FGF10: variants seen among roughly 807,000 people sequenced by gnomAD.
The protein encoded by FGF10 is FGF-10.
FGF10 carries 2 observed loss-of-function variants against 19.8 expected under a neutral mutation model. The observed-to-expected ratio is 0.10, with a 90% CI of 0.04 to 0.32. The LOEUF (loss-of-function observed/expected upper bound fraction) is 0.32. FGF10 is among the 10% of genes least tolerant of loss of function. The pLI is 1.00. For missense variants in FGF10, 191 were observed against 246.3 expected, an observed-to-expected ratio of 0.78 and a Z score of 1.50; for synonymous variants, 112 against 94.0, an observed-to-expected ratio of 1.19 and a Z score of -1.10.
At chr5:44,339,129 A>C (rs73752004) in intron 1 of FGF10, among the ~76,000 whole-genome samples, 1 of 152,196 alleles carries the variant, frequency 6.6e-6, no homozygotes, top group Non-Finnish European at 1.5e-5. Context: ...AATTTCCAAA[A>C]TATCTAATCT....
chr5:44,344,572 G>C (rs1441519377), intron 1 of FGF10, among the ~76,000 whole-genome samples: 5 of 138,734 alleles, frequency 3.6e-5, no homozygotes, highest in African/African-American at 1.6e-4. Context: ...TTTTCTCTGT[G>C]TGTGTGTGTG....
In FGF10 at chr5:44,316,060, C is replaced by T. The variant is rs545388544; in HGVS notation, c.326-5530G>A. Among the ~76,000 whole-genome samples the T allele has an allele frequency of 7.2e-5, 11 of 152,260 alleles. No individual in the cohort carries two copies. The South Asian group carries it at 1.9e-3, about 26-fold the overall frequency. ...CCACTCTCCATCACTAGCATTACTG[C>T]CTGAGCACTGCCTCTTATCAGATCA... On this transcript the variant is annotated intron_variant, in intron 1 of 2. Transcript: ENST00000264664.
At chr5:44,336,834 T>C (rs923303645) in intron 1 of FGF10, among the ~76,000 whole-genome samples, 1 of 152,166 alleles carries the variant, frequency 6.6e-6, no homozygotes, top group African/African-American at 2.4e-5. Context: ...GTCAGCAACT[T>C]TTCATCTTAG....
intron 1 of FGF10, among the ~76,000 whole-genome samples, chr5:44,343,664 C>A (rs1329203072): frequency 6.6e-6 from 1 of 151,888 alleles, no homozygotes; most frequent in African/African-American, 2.4e-5. Flanking sequence ...TGCTTATCTC[C>A]CTTTCCAACA....
At chr5:44,324,424 CTT>C (rs1740565315) in intron 1 of FGF10, among the ~76,000 whole-genome samples, 1 of 152,084 alleles carries the variant, frequency 6.6e-6, no homozygotes, top group Admixed American at 6.6e-5. Flanking sequence ...CCTTAAACTT[CTT>C]TTTAACGTAC....
intron 1 of FGF10, among the ~76,000 whole-genome samples, chr5:44,346,005 T>C (rs1299780983): frequency 6.6e-6 from 1 of 151,788 alleles, no homozygotes; most frequent in Non-Finnish European, 1.5e-5. Flanking sequence ...CCTTGACCTA[T>C]TCTCTAACCT....
At chr5:44,322,303 G>A (rs1417069255) in intron 1 of FGF10, among the ~76,000 whole-genome samples, 2 of 152,148 alleles carry the variant, frequency 1.3e-5, no homozygotes, top group Non-Finnish European at 2.9e-5. Flanking sequence ...CAGCAAAAGG[G>A]TCTGCATTAA....
At chr5:44,349,440 AT>A (rs1741172252) in intron 1 of FGF10, among the ~76,000 whole-genome samples, 1 of 10,722 alleles carries the variant, frequency 9.3e-5, no homozygotes. Context: ...ATATATATAT[AT>A]ATATATATAT....
chr5:44,364,833 T>G (rs1741568798), intron 1 of FGF10, among the ~76,000 whole-genome samples: 1 of 151,938 alleles, frequency 6.6e-6, no homozygotes, highest in Non-Finnish European at 1.5e-5. Flanking sequence ...GAAACCAAGA[T>G]AGAAATCTGA....
At chr5:44,312,240 A>G (rs1418954337) in intron 1 of FGF10, among the ~76,000 whole-genome samples, 1 of 151,808 alleles carries the variant, frequency 6.6e-6, no homozygotes, top group African/African-American at 2.4e-5. Flanking sequence ...GCATATTCTG[A>G]AAAATATTTT....
At chr5:44,320,774 A>C (rs1201792467) in intron 1 of FGF10, among the ~76,000 whole-genome samples, 2 of 151,792 alleles carry the variant, frequency 1.3e-5, no homozygotes, top group East Asian at 3.9e-4. Flanking sequence ...TCTGTCACCC[A>C]GGCTGGAGTG....
At chr5:44,384,230 G>A (rs1742050183) in intron 1 of FGF10, among the ~76,000 whole-genome samples, 1 of 151,998 alleles carries the variant, frequency 6.6e-6, no homozygotes, top group Non-Finnish European at 1.5e-5. Context: ...TGACATTCAT[G>A]GATTTTTCTT....
chr5:44,369,743 C>A (rs1183115584), intron 1 of FGF10, among the ~76,000 whole-genome samples: 1 of 152,100 alleles, frequency 6.6e-6, no homozygotes, highest in African/African-American at 2.4e-5. Flanking sequence ...AGCATTTAAA[C>A]TTAAGCATGT....
In FGF10 at chr5:44,333,715, G is replaced by T. The variant is rs17227913; in HGVS notation, c.326-23185C>A. Among the ~76,000 whole-genome samples, 213 of 152,256 alleles carry T rather than the reference G, an allele frequency of 1.4e-3. 1 individual carries two copies. The highest frequency in any genetic ancestry group is 2.1e-3 in the Non-Finnish European group (144 of 68,006). On this transcript the variant is annotated intron_variant, in intron 1 of 2. Transcript: ENST00000264664. ...AAATGTTAACTCCAGCTAATCAACA[G>T]ATGAAGGGGAATCCTTCCCCTCTGT...
At chr5:44,368,131 A>T (rs1287677765) in intron 1 of FGF10, among the ~76,000 whole-genome samples, 1 of 152,074 alleles carries the variant, frequency 6.6e-6, no homozygotes, top group Non-Finnish European at 1.5e-5. Flanking sequence ...TTAAAATTTT[A>T]CTAATTCAAT....
At chr5:44,351,922 G>T (rs796387114) in intron 1 of FGF10, among the ~76,000 whole-genome samples, 1 of 151,664 alleles carries the variant, frequency 6.6e-6, no homozygotes, top group African/African-American at 2.4e-5. Flanking sequence ...TTAAGGTCTG[G>T]ATTTTCCAAG....
chr5:44,344,121 C>A (rs1358667524), intron 1 of FGF10, among the ~76,000 whole-genome samples: 2 of 151,734 alleles, frequency 1.3e-5, no homozygotes, highest in Non-Finnish European at 2.9e-5. Flanking sequence ...GTTGGATGGC[C>A]AGAGATCTGG....
chr5:44,317,608 T>A (rs918042123), intron 1 of FGF10, among the ~76,000 whole-genome samples: 1 of 152,170 alleles, frequency 6.6e-6, no homozygotes, highest in Non-Finnish European at 1.5e-5. Context: ...TTATTACAAA[T>A]GAAATATGAC....
At chr5:44,342,208 C>A (rs1243775713) in intron 1 of FGF10, among the ~76,000 whole-genome samples, 4 of 151,848 alleles carry the variant, frequency 2.6e-5, no homozygotes, top group Non-Finnish European at 5.9e-5. Flanking sequence ...GTATCACAAA[C>A]AAATCAATGC....
Sources: gnomAD v4.1 joint callset for allele counts (sites outside exome capture counted in the v4.1 genomes callset) on GRCh38, gnomAD v4.1.1 for gene constraint, MANE v1.5 for transcripts, NCBI Gene and HGNC (gene_info 2026-07-23, HGNC 2026-07-21) for gene names.